Variants in EXOC6B observed in about 807,000 individuals in gnomAD.
EXOC6B encodes exocyst complex component 6B.
EXOC6B carries 54 observed loss-of-function variants against 113.5 expected under a neutral mutation model. The ratio of observed to expected loss-of-function variants is 0.48; its 90% CI spans 0.38 to 0.60. The LOEUF (loss-of-function observed/expected upper bound fraction) is 0.60. Among genes scored for constraint, EXOC6B ranks in the 20% least tolerant of loss-of-function variants. The pLI, the probability that EXOC6B is intolerant of heterozygous loss-of-function variation, is 0.00. For synonymous variants in EXOC6B, 357 were observed against 339.0 expected (o/e 1.05, Z -0.58); for missense variants, 797 against 977.5 (o/e 0.82, Z 2.46).
intron 6 of EXOC6B, among the ~76,000 whole-genome samples, chr2:72,606,310 C>CAT (rs150351130): frequency 2.3e-4 from 35 of 151,316 alleles, no homozygotes; most frequent in South Asian, 1.3e-3. Context: ...ACCACCACTG[C>CAT]ATATATATAT....
intron 18 of EXOC6B, among the ~76,000 whole-genome samples, chr2:72,409,799 A>G (rs1278365838): frequency 6.6e-6 from 1 of 152,138 alleles, no homozygotes; most frequent in Non-Finnish European, 1.5e-5. Context: ...GCACACCAAG[A>G]TGGCACATGT....
At chr2:72,741,105 A>G (rs887830357) in intron 2 of EXOC6B, among the ~76,000 whole-genome samples, 199 bp downstream of exon 2, 1 of 151,160 alleles carries the variant, frequency 6.6e-6, no homozygotes, top group East Asian at 1.9e-4. Context: ...CTCCGCCTCA[A>G]AAAAAAAAGG....
At chr2:72,669,717 C>T (rs1324146452) in intron 6 of EXOC6B, among the ~76,000 whole-genome samples, 3 of 152,132 alleles carry the variant, frequency 2.0e-5, no homozygotes, top group Non-Finnish European at 2.9e-5. Context: ...TGTTGAGAAA[C>T]GCGTGGAAGT....
intron 6 of EXOC6B, among the ~76,000 whole-genome samples, chr2:72,650,341 C>T (rs923851500): frequency 3.9e-5 from 6 of 152,316 alleles, no homozygotes; most frequent in African/African-American, 1.4e-4. Context: ...GTGGCTCATG[C>T]CTGTAATCCC....
intron 18 of EXOC6B, among the ~76,000 whole-genome samples, chr2:72,385,456 CT>C (rs989604339): frequency 1.8e-4 from 27 of 146,546 alleles, no homozygotes; most frequent in South Asian, 2.2e-4. Context: ...TGTACAATGA[CT>C]TTTTTTTTTG....
rs567994019 is a variant in EXOC6B at position 72,565,470 on chromosome 2, T to C, written c.847-5949A>G. On this transcript the variant is annotated intron_variant, in intron 7 of 21. Coordinates refer to ENST00000272427, the MANE Select transcript of EXOC6B (RefSeq NM_015189.3). ...CTAAACCTTTAGGCAAAAGAGGCAA[T>C]TTTGCACTACTTGGTATTAAACGTA... 1.5e-4 allele frequency among the ~76,000 whole-genome samples: 22 copies of C among 151,318 alleles called. 1 individual carries two copies. The highest frequency in any genetic ancestry group is 5.1e-4 in the African/African-American group (21 of 41,142).
At chr2:72,230,081 G>A (rs1261038617) in intron 20 of EXOC6B, among the ~76,000 whole-genome samples, 2 of 151,960 alleles carry the variant, frequency 1.3e-5, no homozygotes, top group Non-Finnish European at 2.9e-5. Context: ...ATTCACAAGA[G>A]TCTCTGTGGG....
intron 19 of EXOC6B, among the ~76,000 whole-genome samples, chr2:72,367,389 A>G (rs544853533): frequency 3.3e-5 from 5 of 152,180 alleles, no homozygotes; most frequent in Non-Finnish European, 7.3e-5. Context: ...AAGGAAATAT[A>G]AAATGAATAG....
rs1393547239 is a variant in EXOC6B, at chr2:72,731,055, T to TA, written c.419-4dup. ...CAGTTTGCTGTACATCTCTAGGACTTAAAAGAAAGAAAAGAATACACAAAC... is the reference window on the plus strand; with the variant it reads ...CAGTTTGCTGTACATCTCTAGGACTTAAAAAGAAAGAAAAGAATACACAAAC... On this transcript the variant is annotated splice_region_variant and splice_polypyrimidine_tract_variant and intron_variant, in intron 4 of 21. Coordinates refer to ENST00000272427, the MANE Select transcript of EXOC6B (RefSeq NM_015189.3). 1 of 1,552,508 alleles carries TA rather than the reference T, an allele frequency of 6.4e-7. No individual in the cohort carries two copies. The highest frequency in any genetic ancestry group is 8.7e-7 in the Non-Finnish European group (1 of 1,149,376).
chr2:72,750,912 T>C (rs1482218301), intron 1 of EXOC6B, among the ~76,000 whole-genome samples: 1 of 151,798 alleles, frequency 6.6e-6, no homozygotes, highest in Non-Finnish European at 1.5e-5. Context: ...TCATAAAACA[T>C]ACAAGGAAAC....
At chr2:72,183,796 G>T (rs1355808882) in intron 21 of EXOC6B, among the ~76,000 whole-genome samples, 1 of 151,688 alleles carries the variant, frequency 6.6e-6, no homozygotes, top group Non-Finnish European at 1.5e-5. Flanking sequence ...AGTAAGAGAC[G>T]CTAGTAAGAG....
At chr2:72,257,905 G>C (rs531030999) in intron 20 of EXOC6B, among the ~76,000 whole-genome samples, 1 of 152,058 alleles carries the variant, frequency 6.6e-6, no homozygotes, top group Admixed American at 6.6e-5. Flanking sequence ...GGAGTTAAAT[G>C]GGCACAGAAA....
intron 20 of EXOC6B, among the ~76,000 whole-genome samples, chr2:72,220,374 T>C (rs529256831): frequency 1.3e-5 from 2 of 151,954 alleles, no homozygotes; most frequent in South Asian, 4.2e-4. Flanking sequence ...AACTAGAAAA[T>C]ACAGGAAGGA....
chr2:72,398,345 C>G (rs974766909), intron 18 of EXOC6B, among the ~76,000 whole-genome samples: 2 of 152,184 alleles, frequency 1.3e-5, no homozygotes, highest in Admixed American at 1.3e-4. Flanking sequence ...CTCAGGCATT[C>G]AGACACAAAC....
At position 72,492,424 on chromosome 2, in the gene EXOC6B, G is replaced by T. The variant is rs748674139; in HGVS notation, c.1559C>A (p.Thr520Asn). 1.2e-6 allele frequency: 2 copies of T among 1,610,376 alleles called. No individual in the cohort carries two copies. The highest frequency in any genetic ancestry group is 1.7e-6 in the Non-Finnish European group (2 of 1,177,034). The change falls in exon 16 of 22, where the codon ACT (threonine) becomes AAT (asparagine). Residue 520 changes from threonine to asparagine, a missense_variant. Transcript: ENST00000272427. ...TTTCCGAATCATGTCATCAACTTCA[G>T]TTGAGCTGAAAAAGAAGCATTAAGA... ...KFSEDLHLSSTEVDDMIRKST... is the reference protein window; with the variant it reads ...KFSEDLHLSSNEVDDMIRKST...
chr2:72,582,369 A>T (rs1367582522), intron 6 of EXOC6B, among the ~76,000 whole-genome samples: 6 of 151,836 alleles, frequency 4.0e-5, no homozygotes, highest in South Asian at 4.2e-4. Flanking sequence ...ACAAAAAAAT[A>T]AAAAAAGGCT....
chr2:72,235,379 G>A (rs1681900881), intron 20 of EXOC6B, among the ~76,000 whole-genome samples: 1 of 152,076 alleles, frequency 6.6e-6, no homozygotes, highest in South Asian at 2.1e-4. Context: ...ACAAAGAAGG[G>A]CAGAACAGAC....
chr2:72,526,278 T>C (rs1573325542), intron 8 of EXOC6B, among the ~76,000 whole-genome samples: 1 of 151,848 alleles, frequency 6.6e-6, no homozygotes, highest in African/African-American at 2.4e-5. Context: ...ATAGTCCTCA[T>C]AATGGAAAGT....
chr2:72,183,990 T>G (rs911493426), intron 21 of EXOC6B, 85 bp downstream of exon 21: 13 of 727,226 alleles, frequency 1.8e-5, no homozygotes, highest in Non-Finnish European at 3.1e-5. Flanking sequence ...TTCAAGGTAT[T>G]GGCAGTGGCA....
Sources: allele counts gnomAD v4.1 joint callset (sites outside exome capture counted in the v4.1 genomes callset), GRCh38; gene constraint gnomAD v4.1.1; transcripts MANE v1.5; gene names NCBI Gene and HGNC (gene_info 2026-07-23, HGNC 2026-07-21).